STT3A: variants seen among roughly 807,000 people sequenced by gnomAD.
STT3A encodes dolichyl-diphosphooligosaccharide--protein glycosyltransferase subunit STT3A.
Under a neutral mutation model 89.2 loss-of-function variants are expected in STT3A, and 34 were observed. That is an observed-to-expected ratio of 0.38 (90% CI 0.29 to 0.51). The LOEUF (loss-of-function observed/expected upper bound fraction) is 0.51. Among genes scored for constraint, STT3A ranks in the 20% least tolerant of loss-of-function variants. The pLI, the probability that STT3A is intolerant of heterozygous loss-of-function variation, is 0.89. For synonymous variants in STT3A, 282 were observed against 310.3 expected, an observed-to-expected ratio of 0.91 and a Z score of 0.96; for missense variants, 555 against 889.5, an observed-to-expected ratio of 0.62 and a Z score of 4.78.
At chr11:125,596,596 A>G (rs993099224) in intron 2 of STT3A, among the ~76,000 whole-genome samples, 3 of 152,202 alleles carry the variant, frequency 2.0e-5, no homozygotes, top group East Asian at 3.8e-4. Flanking sequence ...ATTATCTTCA[A>G]TTTAGATGTC....
Position 125,605,715 on chromosome 11 carries a change from GC to G in STT3A, c.598del (p.Ala201LeufsTer15). 1 of 1,613,634 alleles carries G rather than the reference GC, an allele frequency of 6.2e-7. No homozygotes were observed. The highest frequency in any genetic ancestry group is 8.5e-7 in the Non-Finnish European group (1 of 1,179,792). ...TTCCATCTGTTGGGCAGCTAAGTGT[GC>G]CCTTGCTTATTTCTACATGGTAACT... ...TGSICWAAKC[A>X]LAYFYMVSSW... On this transcript the variant is annotated frameshift_variant, in exon 7 of 18. Transcript: ENST00000392708. LOFTEE classifies it high-confidence loss of function.
At position 125,621,042 on chromosome 11, in the gene STT3A, A is replaced by AG. The variant is rs894681891; in HGVS notation, c.*238dup. On this transcript the variant is annotated 3_prime_UTR_variant, in exon 18 of 18. Transcript: ENST00000392708. The stretch of plus-strand genomic sequence containing the variant: ...TCATGGCTTTACTTTGGTCAATTAA[A>AG]GGGGGGAATTTTTTTAAAAAATGTG... The AG allele has an allele frequency of 2.2e-5, 9 of 414,690 alleles. No individual in the cohort carries two copies. Among genetic ancestry groups the AG allele is most frequent in the Non-Finnish European group, 2.6e-5 (6 of 233,800 alleles). The allele number at this position is 414,690 out of a possible 1,614,324, so 25.7% of individuals were successfully genotyped here.
intron 11 of STT3A, 37 bp downstream of exon 11, chr11:125,611,556 T>C: frequency 4.4e-6 from 7 of 1,581,946 alleles, no homozygotes; most frequent in East Asian, 2.2e-5. Context: ...TTTTTCACTC[T>C]AACTCTGAGG....
At chr11:125,619,724 C>G (rs1214566583) in intron 16 of STT3A, among the ~76,000 whole-genome samples, 4 of 152,100 alleles carry the variant, frequency 2.6e-5, no homozygotes, top group African/African-American at 9.7e-5. Flanking sequence ...ATTAGAGGCT[C>G]TAAATGACAA....
chr11:125,594,540 C>T (rs924730708), intron 1 of STT3A, among the ~76,000 whole-genome samples: 1 of 141,784 alleles, frequency 7.1e-6, no homozygotes, highest in Non-Finnish European at 1.5e-5. Flanking sequence ...GCCGAGATGG[C>T]ACCACTGCAC....
chr11:125,596,057 GA>G lies in STT3A; in HGVS notation c.88+61del. The stretch of plus-strand genomic sequence containing the variant: ...TTGGGGATAGAAAGAAGAAAGTCTA[GA>G]AAAAAATTGAAAATCGCTATCTTAA... On this transcript the variant is annotated intron_variant, in intron 2 of 17. Coordinates refer to ENST00000392708, the MANE Select transcript of STT3A (RefSeq NM_152713.5). 4.5e-6 allele frequency: 6 copies of G among 1,343,168 alleles called. No homozygotes were observed. In the South Asian group the frequency reaches 6.3e-5, roughly 14 times the overall value. The allele number at this position is 1,343,168 out of a possible 1,614,324, so 83.2% of individuals were successfully genotyped here.
Position 125,614,041 on chromosome 11 carries a change from G to A in STT3A, c.1555-46G>A. On this transcript the variant is annotated intron_variant, in intron 13 of 17. Coordinates refer to ENST00000392708, the MANE Select transcript of STT3A (RefSeq NM_152713.5). This position sits in a 1 kb window ranked among gnomAD's most constrained non-coding sequence, Gnocchi z 4.9. ...CCTTCTCTGTTGCATTTGATTTTTA[G>A]AGACAGTGAGAAGCTTGTTATTTCC... 6.4e-7 allele frequency: 1 copy of A among 1,556,750 alleles called. No homozygotes were observed. Among genetic ancestry groups the A allele is most frequent in the Non-Finnish European group, 8.8e-7 (1 of 1,130,402 alleles).
chr11:125,609,325 T>G, intron 9 of STT3A, 109 bp from the exon 10 acceptor site: 1 of 1,401,252 alleles, frequency 7.1e-7, no homozygotes, highest in East Asian at 2.4e-5. Context: ...AAAAACCTAA[T>G]CCTTCTCTGT....
chr11:125,609,306 C>A, intron 9 of STT3A, 128 bp from the exon 10 acceptor site: 2 of 1,205,580 alleles, frequency 1.7e-6, no homozygotes, highest in East Asian at 2.5e-5. Flanking sequence ...GTATTGGTGG[C>A]AATTAAGCAA....
At chr11:125,598,674 G>A (rs969583061) in intron 3 of STT3A, among the ~76,000 whole-genome samples, 2 of 152,070 alleles carry the variant, frequency 1.3e-5, no homozygotes, top group African/African-American at 4.8e-5. Context: ...GAGTGATCAC[G>A]GCTTACTGCA....
chr11:125,605,800 TA>T (rs1426056554), intron 7 of STT3A, 65 bp downstream of exon 7: 1 of 1,390,346 alleles, frequency 7.2e-7, no homozygotes, highest in African/African-American at 1.5e-5. Flanking sequence ...TATGGGTACT[TA>T]TTGTTTGACC....
chr11:125,613,880 G>C lies in STT3A; in HGVS notation c.1555-207G>C. The C allele has an allele frequency of 5.7e-6, 3 of 528,790 alleles. No individual in the cohort carries two copies. The highest frequency in any genetic ancestry group is 6.8e-6 in the Non-Finnish European group (2 of 292,446). 32.8% of individuals were successfully genotyped at this position (528,790 alleles called of 1,614,324 possible). A position where few individuals can be genotyped will look rare whatever the true frequency, so the allele number is the denominator to read the frequency against. On this transcript the variant is annotated intron_variant, in intron 13 of 17. Coordinates refer to ENST00000392708, the MANE Select transcript of STT3A (RefSeq NM_152713.5). The surrounding 1 kb of genome is among the most constrained non-coding windows in gnomAD (Gnocchi z 4.2). Reference sequence around the variant, plus strand: ...GATGAAGTGTTGGGAATGTTGGTTTGTTATTTGTGCTGAGATTTTATAATT... The same window carrying C: ...GATGAAGTGTTGGGAATGTTGGTTTCTTATTTGTGCTGAGATTTTATAATT...
chr11:125,597,720 G>C lies in STT3A; in HGVS notation c.149+601G>C, dbSNP rs772304977. Among the ~76,000 whole-genome samples the C allele has an allele frequency of 3.3e-5, 5 of 152,078 alleles. No individual in the cohort carries two copies. The East Asian group carries it at 7.7e-4, about 23-fold the overall frequency. On this transcript the variant is annotated intron_variant, in intron 3 of 17. Coordinates refer to ENST00000392708, the MANE Select transcript of STT3A (RefSeq NM_152713.5). ...ATTGGGCTTCTTAGTTAAATTCTAG[G>C]GCAATGAAAAAACTCAAAGTTATCA...
chr11:125,598,164 A>T (rs1282756277), intron 3 of STT3A, among the ~76,000 whole-genome samples: 5 of 152,128 alleles, frequency 3.3e-5, no homozygotes, highest in African/African-American at 4.8e-5. Context: ...GTGAGCCAAG[A>T]TCATGCCACT....
intron 3 of STT3A, among the ~76,000 whole-genome samples, chr11:125,601,384 G>A (rs1398325337): frequency 6.6e-6 from 1 of 152,184 alleles, no homozygotes; most frequent in East Asian, 1.9e-4. Flanking sequence ...ACTTTGTGAG[G>A]CTGGGGCAGG....
chr11:125,602,924 G>T lies in STT3A; in HGVS notation c.393G>T (p.Thr131=). 3 of 1,613,892 alleles carry T rather than the reference G, an allele frequency of 1.9e-6. No homozygotes were observed. The highest frequency in any genetic ancestry group is 2.5e-6 in the Non-Finnish European group (3 of 1,179,976). Residue 131 remains threonine, a synonymous_variant, in exon 5 of 18, where the codon ACG becomes ACT. Coordinates refer to ENST00000392708, the MANE Select transcript of STT3A (RefSeq NM_152713.5). ...PLFSSFTTIV[T]YHLTKELKDA... is the part of the protein sequence containing the mutation. ...TCTCCTCCTTCACCACCATCGTCACGTACCACCTTACCAAAGAGCTCAAGG... is the reference window on the plus strand; with the variant it reads ...TCTCCTCCTTCACCACCATCGTCACTTACCACCTTACCAAAGAGCTCAAGG...
At chr11:125,609,160 G>T (rs1436939304) in intron 9 of STT3A, among the ~76,000 whole-genome samples, 1 of 152,150 alleles carries the variant, frequency 6.6e-6, no homozygotes, top group Non-Finnish European at 1.5e-5. Flanking sequence ...ACCAAATTTG[G>T]CCTAAAACCC....
At chr11:125,611,282 A>T (rs935206416) in intron 10 of STT3A, 146 bp from the exon 11 acceptor site, 14 of 640,422 alleles carry the variant, frequency 2.2e-5, no homozygotes, top group East Asian at 2.2e-4. Flanking sequence ...GCATGTTTCT[A>T]TGATTGTTTT....
At chr11:125,609,666 T>C in intron 10 of STT3A, 77 bp downstream of exon 10, 1 of 1,538,570 alleles carries the variant, frequency 6.5e-7, no homozygotes, top group Non-Finnish European at 8.8e-7. Context: ...GCTACCCTCA[T>C]TCGTGTTTTG....
Sources: gnomAD v4.1 joint callset for allele counts (sites outside exome capture counted in the v4.1 genomes callset) on GRCh38, gnomAD v4.1.1 for gene constraint, Gnocchi (gnomAD v3.1) non-coding constraint, MANE v1.5 for transcripts, NCBI Gene and HGNC (gene_info 2026-07-23, HGNC 2026-07-21) for gene names.